The following EXOC2 variants were observed in gnomAD, a reference collection of about 807,000 sequenced individuals.
EXOC2 encodes SEC5-like 1.
Under a neutral mutation model 131.8 loss-of-function variants are expected in EXOC2, and 70 were observed. The observed-to-expected ratio is 0.53, with a 90% CI of 0.44 to 0.65. EXOC2 has a LOEUF of 0.65. Ranked by LOEUF, EXOC2 falls within the 30% of genes least tolerant of loss-of-function variation. EXOC2 has a pLI of 0.00. For synonymous variants in EXOC2, 411 were observed against 398.4 expected (o/e 1.03, Z -0.38); for missense variants, 923 against 1,108.6 (o/e 0.83, Z 2.38).
At chr6:606,662 A>C (rs904704352) in intron 7 of EXOC2, among the ~76,000 whole-genome samples, 9 of 152,206 alleles carry the variant, frequency 5.9e-5, no homozygotes, top group African/African-American at 2.2e-4. Flanking sequence ...ATCATGAAAC[A>C]TCTCTGAGGT....
intron 21 of EXOC2, 97 bp downstream of exon 21, chr6:553,757 T>G (rs758918090): frequency 1.2e-5 from 11 of 944,148 alleles, no homozygotes; most frequent in Non-Finnish European, 1.9e-5. Context: ...CTATACCACG[T>G]GCTATAGCAA....
Position 504,069 on chromosome 6 carries a change from C to T in EXOC2, c.2381-4369G>A, listed in dbSNP as rs575142847. Among the ~76,000 whole-genome samples the T allele has an allele frequency of 5.3e-5, 8 of 152,376 alleles. No individual in the cohort carries two copies. In the South Asian group the frequency reaches 1.4e-3, roughly 28 times the overall value. Reference sequence around the variant, plus strand: ...CTGGGGTGGCCCGGCTCGCTGGCTCCATGCAGCTCTGACGGCCAACACCGT... The same window carrying T: ...CTGGGGTGGCCCGGCTCGCTGGCTCTATGCAGCTCTGACGGCCAACACCGT... On this transcript the variant is annotated intron_variant, in intron 23 of 27. Transcript: ENST00000230449.
At chr6:684,545 A>G (rs1056033620) in intron 1 of EXOC2, among the ~76,000 whole-genome samples, 3 of 152,224 alleles carry the variant, frequency 2.0e-5, no homozygotes, top group Admixed American at 6.5e-5. Flanking sequence ...TAGATATACT[A>G]TATTAATTTT....
At chr6:491,528 G>A (rs1763434562) in intron 25 of EXOC2, among the ~76,000 whole-genome samples, 1 of 152,278 alleles carries the variant, frequency 6.6e-6, no homozygotes, top group African/African-American at 2.4e-5. Flanking sequence ...CAAGAGGAAA[G>A]ACACTTTGAA....
rs115686195 is a variant in EXOC2 at position 563,978 on chromosome 6, T to A, written c.1789+55A>T. On this transcript the variant is annotated intron_variant, in intron 16 of 27. Transcript: ENST00000230449. ...CAAGGATTTGGACACTGAAAGGAGG[T>A]GGCACATTCAGATAATCATTGCACA... The A allele has an allele frequency of 1.3e-3, 2,069 of 1,588,284 alleles. 24 individuals are homozygous for A. The African/African-American group carries it at 0.023, about 18-fold the overall frequency.
At chr6:540,428 T>C (rs1378034955) in intron 22 of EXOC2, among the ~76,000 whole-genome samples, 1 of 152,256 alleles carries the variant, frequency 6.6e-6, no homozygotes, top group Non-Finnish European at 1.5e-5. Flanking sequence ...TCTCCTTCCC[T>C]GATTTCTGAA....
chr6:496,188 G>A (rs1328163545), intron 25 of EXOC2, among the ~76,000 whole-genome samples: 1 of 152,094 alleles, frequency 6.6e-6, no homozygotes, highest in Non-Finnish European at 1.5e-5. Context: ...CATCTTAAGG[G>A]TGGCTTCAGG....
chr6:521,071 ACCACCCACCGAGCGCCGACACTCGCCG>A (rs2127522888), intron 23 of EXOC2, among the ~76,000 whole-genome samples: 1 of 80,916 alleles, frequency 1.2e-5, no homozygotes, highest in Non-Finnish European at 2.4e-5. Flanking sequence ...GAGGAAAACC[ACCACCCACCGAGCGCCGACACTCGCCG>A]TCCACACTCG....
At chr6:515,904 G>C (rs1210092282) in intron 23 of EXOC2, among the ~76,000 whole-genome samples, 1 of 152,200 alleles carries the variant, frequency 6.6e-6, no homozygotes, top group Non-Finnish European at 1.5e-5. Flanking sequence ...TCACTGTTGT[G>C]ATTTAATCCC....
intron 23 of EXOC2, among the ~76,000 whole-genome samples, chr6:529,763 T>C (rs1468864650): frequency 6.6e-6 from 1 of 152,124 alleles, no homozygotes; most frequent in Non-Finnish European, 1.5e-5. Flanking sequence ...TGCATGGTGA[T>C]GCAAAGTAAT....
intron 1 of EXOC2, among the ~76,000 whole-genome samples, chr6:668,088 T>C (rs553610417): frequency 6.6e-6 from 1 of 152,336 alleles, no homozygotes; most frequent in Admixed American, 6.5e-5. Context: ...AGAGTTTCTA[T>C]TGGTTTTTGA....
chr6:576,685 CA>C (rs1758596401), intron 12 of EXOC2, 71 bp downstream of exon 12: 1 of 1,565,930 alleles, frequency 6.4e-7, no homozygotes, highest in Non-Finnish European at 8.7e-7. Flanking sequence ...GGGAATTTTC[CA>C]AGAGAAGAAT....
In EXOC2 at chr6:677,155, T is replaced by C. The variant is rs9504728; in HGVS notation, c.-44+15864A>G. Among the ~76,000 whole-genome samples the C allele has an allele frequency of 3.0e-3, 38 of 12,732 alleles. 5 individuals carry two copies. The highest frequency in any genetic ancestry group is 6.1e-3 in the Admixed American group (4 of 658). 8.4% of individuals were successfully genotyped at this position (12,732 alleles called of 152,430 possible). A position where few individuals can be genotyped will look rare whatever the true frequency, so the allele number is the denominator to read the frequency against. On this transcript the variant is annotated intron_variant, in intron 1 of 27. Transcript: ENST00000230449. ...TTCAACATTACGGAAAGGACAGCTT[T>C]CTCTGGAGACTGCGGTTCCCCATAC...
chr6:489,189 G>A (rs2127464838), intron 26 of EXOC2, 151 bp from the exon 27 acceptor site: 1 of 710,200 alleles, frequency 1.4e-6, no homozygotes. Context: ...AATAGAAAAA[G>A]TAAAAGTAAA....
chr6:577,410 A>G (rs1026077782), intron 11 of EXOC2, among the ~76,000 whole-genome samples: 1 of 152,148 alleles, frequency 6.6e-6, no homozygotes, highest in Non-Finnish European at 1.5e-5. Flanking sequence ...CCATCAAGAA[A>G]TTGTCTTTAT....
chr6:641,264 T>A (rs1433301384), intron 1 of EXOC2, among the ~76,000 whole-genome samples: 1 of 150,632 alleles, frequency 6.6e-6, no homozygotes, highest in Non-Finnish European at 1.5e-5. Flanking sequence ...CAGGAGAGAG[T>A]GGAATGAGTC....
At chr6:580,757 A>G (rs1012968215) in intron 11 of EXOC2, among the ~76,000 whole-genome samples, 2 of 152,270 alleles carry the variant, frequency 1.3e-5, no homozygotes, top group East Asian at 1.9e-4. Flanking sequence ...TGCAATTCTA[A>G]AAGTCTTTTT....
chr6:631,365 C>CCA (rs961851111), intron 3 of EXOC2, among the ~76,000 whole-genome samples: 8 of 152,032 alleles, frequency 5.3e-5, no homozygotes, highest in African/African-American at 1.9e-4. Flanking sequence ...TGGTGAAACC[C>CCA]CATCTCTACT....
At chr6:641,696 CT>C (rs1390524965) in intron 1 of EXOC2, among the ~76,000 whole-genome samples, 5 of 152,160 alleles carry the variant, frequency 3.3e-5, no homozygotes, top group African/African-American at 9.7e-5. Context: ...CTGGCACCCC[CT>C]GAATCAAATA....
Sources: allele counts gnomAD v4.1 joint callset (sites outside exome capture counted in the v4.1 genomes callset), GRCh38; gene constraint gnomAD v4.1.1; transcripts MANE v1.5; gene names NCBI Gene and HGNC (gene_info 2026-07-23, HGNC 2026-07-21).